The following PLD5 variants were observed in gnomAD, a reference collection of about 807,000 sequenced individuals.
PLD5 encodes the protein inactive phospholipase D5.
A neutral mutation model predicts 61.1 loss-of-function variants in PLD5; 36 were observed. The ratio of observed to expected loss-of-function variants is 0.59; its 90% CI spans 0.45 to 0.78. PLD5 has a LOEUF of 0.78. Among genes scored for constraint, PLD5 ranks in the 30% least tolerant of loss-of-function variants. The pLI is 0.00. For synonymous variants in PLD5, 243 were observed against 242.8 expected (o/e 1.00, Z -0.01); for missense variants, 515 against 644.4 (o/e 0.80, Z 2.17).
At chr1:242,399,593 T>C (rs1303412254) in intron 1 of PLD5, among the ~76,000 whole-genome samples, 1 of 152,018 alleles carries the variant, frequency 6.6e-6, no homozygotes, top group African/African-American at 2.4e-5. Flanking sequence ...CTTGATTAGG[T>C]TTAACAGTTG....
At chr1:242,450,706 G>A (rs563961369) in intron 1 of PLD5, among the ~76,000 whole-genome samples, 2 of 152,242 alleles carry the variant, frequency 1.3e-5, no homozygotes, top group South Asian at 2.1e-4. Flanking sequence ...TATCAGGCTC[G>A]ATGGCATCAA....
intron 5 of PLD5, among the ~76,000 whole-genome samples, chr1:242,140,935 T>A (rs1664115023): frequency 6.6e-6 from 1 of 152,176 alleles, no homozygotes; most frequent in Non-Finnish European, 1.5e-5. Flanking sequence ...CTTCTTTTCC[T>A]GTATTTAATG....
chr1:242,163,191 T>C (rs1013399135), intron 5 of PLD5, among the ~76,000 whole-genome samples: 13 of 146,084 alleles, frequency 8.9e-5, no homozygotes, highest in Non-Finnish European at 1.8e-4. Context: ...TCACCCAGGC[T>C]GGAGTGCAGT....
chr1:242,400,422 C>G (rs1215200683), intron 1 of PLD5, among the ~76,000 whole-genome samples: 1 of 152,088 alleles, frequency 6.6e-6, no homozygotes, highest in Non-Finnish European at 1.5e-5. Flanking sequence ...GGTACCTCCT[C>G]TGATGAAAAG....
chr1:242,130,961 A>G (rs990776168), intron 5 of PLD5, among the ~76,000 whole-genome samples: 1 of 152,082 alleles, frequency 6.6e-6, no homozygotes, highest in African/African-American at 2.4e-5. Context: ...AGGTCTCAAC[A>G]ACTGTAGTCC....
At chr1:242,207,932 T>TTTA (rs11370783) in intron 5 of PLD5, among the ~76,000 whole-genome samples, 2,548 of 30,768 alleles carry the variant, frequency 0.083, 443 homozygotes, top group Middle Eastern at 0.13. Context: ...TTATATATAT[T>TTTA]TATATATTTA....
intron 1 of PLD5, among the ~76,000 whole-genome samples, chr1:242,508,759 C>G (rs1668809969): frequency 6.6e-6 from 1 of 152,024 alleles, no homozygotes; most frequent in Non-Finnish European, 1.5e-5. Context: ...AAAAAAGTAG[C>G]CTAATAAAAT....
At chr1:242,191,680 G>T (rs962231983) in intron 5 of PLD5, among the ~76,000 whole-genome samples, 1 of 152,028 alleles carries the variant, frequency 6.6e-6, no homozygotes, top group African/African-American at 2.4e-5. Flanking sequence ...AGTGAGAAAA[G>T]GTGGAAGGCA....
intron 5 of PLD5, among the ~76,000 whole-genome samples, chr1:242,130,666 G>A (rs1663164767): frequency 6.6e-6 from 1 of 151,990 alleles, no homozygotes; most frequent in South Asian, 2.1e-4. Context: ...TCAGCCCTCT[G>A]CCTGGCGATA....
chr1:242,142,906 T>C (rs1255603591), intron 5 of PLD5, among the ~76,000 whole-genome samples: 1 of 151,778 alleles, frequency 6.6e-6, no homozygotes, highest in African/African-American at 2.4e-5. Flanking sequence ...TTAGTAGAGA[T>C]GGGGTTTCAC....
chr1:242,149,684 C>G (rs998020759), intron 5 of PLD5, among the ~76,000 whole-genome samples: 5 of 151,474 alleles, frequency 3.3e-5, no homozygotes, highest in African/African-American at 9.7e-5. Context: ...CACACACACA[C>G]ACACACACAC....
chr1:242,100,598 G>A (rs1435747891), intron 9 of PLD5, 70 bp downstream of exon 9: 19 of 1,141,618 alleles, frequency 1.7e-5, no homozygotes, highest in African/African-American at 4.6e-5. Context: ...AGGGGATACC[G>A]TGGAGCACAG....
chr1:242,183,910 A>C (rs1667702217), intron 5 of PLD5, among the ~76,000 whole-genome samples: 1 of 151,960 alleles, frequency 6.6e-6, no homozygotes. Context: ...AAATAAATAA[A>C]TAAAAATAAA....
intron 4 of PLD5, among the ~76,000 whole-genome samples, chr1:242,225,199 CG>C (rs1183604014): frequency 2.0e-5 from 3 of 151,240 alleles, no homozygotes; most frequent in Non-Finnish European, 4.4e-5. Context: ...TCACAAATAG[CG>C]CATGTGAGAC....
chr1:242,110,691 G>T (rs12133251), intron 7 of PLD5, among the ~76,000 whole-genome samples: 10,539 of 151,840 alleles, frequency 0.069, 468 homozygotes, highest in Middle Eastern at 0.18. Flanking sequence ...GTGCCTGCAG[G>T]CCCAGATACT....
intron 1 of PLD5, among the ~76,000 whole-genome samples, chr1:242,405,946 G>C (rs973306160): frequency 6.6e-6 from 1 of 151,994 alleles, no homozygotes; most frequent in Non-Finnish European, 1.5e-5. Context: ...CAATTTTACA[G>C]TTTCACATGA....
At chr1:242,351,190 C>T (rs1205398141) in intron 1 of PLD5, among the ~76,000 whole-genome samples, 6 of 152,138 alleles carry the variant, frequency 3.9e-5, no homozygotes, top group East Asian at 1.9e-4. Flanking sequence ...CATGAGCAAC[C>T]GCGCCCGGCC....
chr1:242,357,020 T>C (rs953454580), intron 1 of PLD5, among the ~76,000 whole-genome samples: 31 of 149,318 alleles, frequency 2.1e-4, no homozygotes, highest in African/African-American at 7.6e-4. Context: ...TACCATTAGG[T>C]TTTGTGCTTT....
intron 3 of PLD5, among the ~76,000 whole-genome samples, chr1:242,282,373 A>G (rs2149128948): frequency 6.6e-6 from 1 of 152,326 alleles, no homozygotes. Context: ...TCATTTCTGC[A>G]GTCTTGCTAA....
Sources: allele counts gnomAD v4.1 joint callset (sites outside exome capture counted in the v4.1 genomes callset), GRCh38; gene constraint gnomAD v4.1.1; transcripts MANE v1.5; gene names NCBI Gene and HGNC (gene_info 2026-07-23, HGNC 2026-07-21).